The following LPAR3 variants were observed in gnomAD, a reference collection of about 807,000 sequenced individuals.
LPAR3 encodes the protein LPA receptor 3.
In LPAR3, 7 loss-of-function variants were observed where a neutral mutation model predicts 17.8. The observed-to-expected ratio is 0.39, with a 90% confidence interval of 0.22 to 0.74. The LOEUF is 0.74. Ranked by LOEUF, LPAR3 falls within the 30% of genes least tolerant of loss-of-function variation. LPAR3 has a pLI of 0.40. For synonymous variants in LPAR3, 179 were observed against 179.9 expected (o/e 0.99, Z 0.04); for missense variants, 391 against 453.4 (o/e 0.86, Z 1.25).
chr1:84,890,886 T>C (rs974281407), intron 1 of LPAR3, among the ~76,000 whole-genome samples: 7 of 152,130 alleles, frequency 4.6e-5, no homozygotes, highest in Non-Finnish European at 5.9e-5. Context: ...GCCTTAGGCA[T>C]GTGTGTATAA....
chr1:84,846,760 A>G (rs1659600793), intron 2 of LPAR3, among the ~76,000 whole-genome samples: 1 of 152,108 alleles, frequency 6.6e-6, no homozygotes, highest in Non-Finnish European at 1.5e-5. Context: ...TCAAATTCAA[A>G]CTGGATAATT....
At chr1:84,815,420 G>A (rs1557587351) in intron 2 of LPAR3, among the ~76,000 whole-genome samples, 1 of 152,158 alleles carries the variant, frequency 6.6e-6, no homozygotes, top group Non-Finnish European at 1.5e-5. Context: ...AATACTAACA[G>A]AGAAGACGAC....
rs145906895 is a variant in LPAR3, at chr1:84,852,527, CT to C, written c.736+12857del. On this transcript the variant is annotated intron_variant, in intron 2 of 2. Coordinates refer to ENST00000370611, the MANE Select transcript of LPAR3 (RefSeq NM_012152.3). ...CAGGTAGAGCAGGTCTGCAGGGCAG[CT>C]GAAGCTTGTGGTGCCTCCAGGACAT... 2.9e-3 allele frequency among the ~76,000 whole-genome samples: 446 copies of C among 152,248 alleles called. 2 individuals are homozygous for C. The highest frequency in any genetic ancestry group is 0.01 in the Middle Eastern group (3 of 294).
chr1:84,879,979 T>C (rs1004405714), intron 1 of LPAR3, among the ~76,000 whole-genome samples: 3 of 152,228 alleles, frequency 2.0e-5, no homozygotes, highest in Non-Finnish European at 4.4e-5. Flanking sequence ...GAAATGTTTA[T>C]AGCAATTTAA....
At chr1:84,873,086 C>T (rs903089094) in intron 1 of LPAR3, among the ~76,000 whole-genome samples, 9 of 152,108 alleles carry the variant, frequency 5.9e-5, no homozygotes, top group East Asian at 3.8e-4. Flanking sequence ...ACCTGAAAAA[C>T]GGTCACAGCC....
chr1:84,860,675 T>G (rs1384560024), intron 2 of LPAR3, among the ~76,000 whole-genome samples: 1 of 152,152 alleles, frequency 6.6e-6, no homozygotes, highest in Admixed American at 6.5e-5. Flanking sequence ...TAATATGTAC[T>G]TAGAGACTGA....
At position 84,876,219 on chromosome 1, in the gene LPAR3, C is replaced by T. The variant is rs555001262; in HGVS notation, c.-18-10081G>A. Among the ~76,000 whole-genome samples, 32 of 152,212 alleles carry T rather than the reference C, an allele frequency of 2.1e-4. 1 individual carries two copies. The highest frequency in any genetic ancestry group is 4.6e-4 in the Admixed American group (7 of 15,286). On this transcript the variant is annotated intron_variant, in intron 1 of 2. Coordinates refer to ENST00000370611, the MANE Select transcript of LPAR3 (RefSeq NM_012152.3). ...TCCTGCCTGCCTCCCTCTCCTACCC[C>T]GTGTTCTGTCTGGTAGTAAAGGTAG...
intron 1 of LPAR3, among the ~76,000 whole-genome samples, chr1:84,873,277 TTAA>T (rs1660191132): frequency 6.6e-6 from 1 of 152,168 alleles, no homozygotes; most frequent in Non-Finnish European, 1.5e-5. Flanking sequence ...AATGTAAGAT[TTAA>T]TAATAAGGGA....
At chr1:84,851,625 T>C (rs368966469) in intron 2 of LPAR3, among the ~76,000 whole-genome samples, 16 of 152,324 alleles carry the variant, frequency 1.1e-4, no homozygotes, top group Admixed American at 4.6e-4. Flanking sequence ...GAAAATATCA[T>C]AGAGAAGGCA....
chr1:84,840,197 T>C (rs1659480887), intron 2 of LPAR3, among the ~76,000 whole-genome samples: 1 of 152,242 alleles, frequency 6.6e-6, no homozygotes, highest in East Asian at 1.9e-4. Flanking sequence ...AGTGTTGGAA[T>C]TACATGTATG....
rs12081081 is a variant in LPAR3, at chr1:84,840,529, G to A, written c.736+24856C>T. 2.7e-3 allele frequency among the ~76,000 whole-genome samples: 417 copies of A among 152,286 alleles called. 3 individuals carry two copies. Among genetic ancestry groups the A allele is most frequent in the African/African-American group, 9.7e-3 (402 of 41,560 alleles). On this transcript the variant is annotated intron_variant, in intron 2 of 2. Coordinates refer to ENST00000370611, the MANE Select transcript of LPAR3 (RefSeq NM_012152.3). ...ACCCTGAAGAGGAAACAATCCAGAAGTATCAGTCAGAGCCCACTTACTTAT... is the reference window on the plus strand; with the variant it reads ...ACCCTGAAGAGGAAACAATCCAGAAATATCAGTCAGAGCCCACTTACTTAT...
At chr1:84,816,244 G>C (rs912083647) in intron 2 of LPAR3, among the ~76,000 whole-genome samples, 6 of 152,182 alleles carry the variant, frequency 3.9e-5, no homozygotes, top group Non-Finnish European at 8.8e-5. Flanking sequence ...ATATTAGTAA[G>C]TTTTTAGCCA....
rs181656887 is a variant in LPAR3, at chr1:84,886,180, C to T, written c.-19+6836G>A. The stretch of plus-strand genomic sequence containing the variant: ...CAACTTCGTACCTTTTAATCTACAT[C>T]TTCTGTTTTTCCCTGTTTCCACTAA... On this transcript the variant is annotated intron_variant, in intron 1 of 2. Transcript: ENST00000370611. Among the ~76,000 whole-genome samples, 16 of 152,246 alleles carry T rather than the reference C, an allele frequency of 1.1e-4. No homozygotes were observed. In the East Asian group the frequency reaches 3.1e-3, roughly 29 times the overall value.
At chr1:84,823,449 A>G (rs1659095507) in intron 2 of LPAR3, among the ~76,000 whole-genome samples, 1 of 152,208 alleles carries the variant, frequency 6.6e-6, no homozygotes, top group Non-Finnish European at 1.5e-5. Flanking sequence ...AGATGCTTCA[A>G]ATAGATGATG....
At chr1:84,832,617 G>C (rs1227092801) in intron 2 of LPAR3, among the ~76,000 whole-genome samples, 1 of 152,032 alleles carries the variant, frequency 6.6e-6, no homozygotes, top group African/African-American at 2.4e-5. Context: ...TACCCCTCTG[G>C]CCAAATATGT....
rs1435258115 is a variant in LPAR3 at position 84,890,991 on chromosome 1, G to A, written c.-19+2025C>T. Among the ~76,000 whole-genome samples, 4 of 152,268 alleles carry A rather than the reference G, an allele frequency of 2.6e-5. No homozygotes were observed. The East Asian group carries it at 7.7e-4, about 29-fold the overall frequency. On this transcript the variant is annotated intron_variant, in intron 1 of 2. Transcript: ENST00000370611. ...ACGTGTGTTTCTGAAAAATGAGATG[G>A]AGAGTTAACATGCTGTAGTTTCTTA...
At chr1:84,862,404 G>A (rs1659957980) in intron 2 of LPAR3, among the ~76,000 whole-genome samples, 3 of 152,170 alleles carry the variant, frequency 2.0e-5, no homozygotes, top group Non-Finnish European at 4.4e-5. Flanking sequence ...AACTCTAGAG[G>A]CCAGCTGCGC....
intron 1 of LPAR3, among the ~76,000 whole-genome samples, chr1:84,876,506 T>C (rs1403872809): frequency 1.3e-5 from 2 of 152,098 alleles, no homozygotes; most frequent in Middle Eastern, 3.2e-3. Context: ...GGCATCCCTC[T>C]ATATAAAGGT....
At chr1:84,858,164 G>A (rs1009985058) in intron 2 of LPAR3, among the ~76,000 whole-genome samples, 17 of 152,002 alleles carry the variant, frequency 1.1e-4, no homozygotes, top group South Asian at 6.2e-4. Context: ...CAGAGACCTC[G>A]GCTTCTCATA....
Sources: allele counts gnomAD v4.1 joint callset (sites outside exome capture counted in the v4.1 genomes callset), GRCh38; gene constraint gnomAD v4.1.1; transcripts MANE v1.5; gene names NCBI Gene and HGNC (gene_info 2026-07-23, HGNC 2026-07-21).